Variants in LINGO2 observed in about 807,000 individuals in gnomAD.
LINGO2 encodes leucine-rich repeat and immunoglobulin-like domain-containing nogo receptor-interacting protein 2.
A neutral mutation model predicts 30.6 loss-of-function variants in LINGO2; 14 were observed. The observed-to-expected ratio is 0.46, with a 90% CI of 0.30 to 0.72. The LOEUF is 0.72. LINGO2 is among the 30% of genes least tolerant of loss of function. The pLI is 0.07. For missense variants in LINGO2, 729 were observed against 751.7 expected (o/e 0.97, Z 0.35); for synonymous variants, 317 against 288.5 (o/e 1.10, Z -1.00).
chr9:28,033,406 C>A (rs954376434), intron 4 of LINGO2, among the ~76,000 whole-genome samples: 2 of 152,138 alleles, frequency 1.3e-5, no homozygotes, highest in Admixed American at 6.5e-5. Flanking sequence ...ATCAAAGGTT[C>A]TTGCCCACTT....
chr9:28,226,697 A>AGAAAG (rs1554690224), intron 4 of LINGO2, among the ~76,000 whole-genome samples: 15 of 60,560 alleles, frequency 2.5e-4, no homozygotes, highest in Admixed American at 2.1e-3. Context: ...GAAAGAAAGA[A>AGAAAG]AGAAAGAGAA....
intron 4 of LINGO2, among the ~76,000 whole-genome samples, chr9:28,138,553 G>T (rs75472829): frequency 0.038 from 5,723 of 152,126 alleles, 177 homozygotes; most frequent in Admixed American, 0.083. Context: ...TTCCTTCATT[G>T]CCTCCAGTCT....
chr9:27,983,486 C>CA (rs1416835954), intron 5 of LINGO2, among the ~76,000 whole-genome samples: 1 of 151,832 alleles, frequency 6.6e-6, no homozygotes, highest in African/African-American at 2.4e-5. Context: ...TACCATGTAC[C>CA]AGGACCCTGT....
chr9:28,769,137 C>T, the LINGO2 span, among the ~76,000 whole-genome samples: 16 of 151,582 alleles, frequency 1.1e-4, no homozygotes, highest in Non-Finnish European at 1.9e-4. Flanking sequence ...TAAGGGTATT[C>T]TATATCTGCA....
rs58629857 is a variant in LINGO2, at chr9:28,526,055, CAAAAAAAAAA to C, written c.-364-50040_-364-50031del. 4.8e-3 allele frequency among the ~76,000 whole-genome samples: 234 copies of C among 48,522 alleles called. 9 individuals are homozygous for C. Among genetic ancestry groups the C allele is most frequent in the African/African-American group, 0.019 (228 of 12,254 alleles). The allele number at this position is 48,522 out of a possible 152,430, so 31.8% of individuals were successfully genotyped here. On this transcript the variant is annotated intron_variant, in intron 1 of 5. Coordinates refer to ENST00000379992, the Ensembl canonical transcript of LINGO2. ...TGGGTGACAGAGCGAGACTCCGTCT[CAAAAAAAAAA>C]AAAAAAAAAAAGCCATTGAGTTACC... is the stretch of plus-strand genomic sequence containing the variant.
chr9:28,232,752 C>A (rs1821403424), intron 4 of LINGO2, among the ~76,000 whole-genome samples: 1 of 151,636 alleles, frequency 6.6e-6, no homozygotes, highest in East Asian at 2.0e-4. Context: ...CTTGGACCAC[C>A]ATTTCCCTAC....
intron 2 of LINGO2, among the ~76,000 whole-genome samples, chr9:28,422,881 G>A (rs186406401): frequency 2.2e-4 from 34 of 152,148 alleles, no homozygotes; most frequent in Admixed American, 7.2e-4. Context: ...CTATAACGTG[G>A]ATAAACTTTG....
chr9:29,001,067 A>C, the LINGO2 span, among the ~76,000 whole-genome samples: 1 of 148,646 alleles, frequency 6.7e-6, no homozygotes, highest in Non-Finnish European at 1.5e-5. Flanking sequence ...TTGTTCAGTA[A>C]AGATTTTGAT....
chr9:28,141,666 C>T (rs1168181647), intron 4 of LINGO2, among the ~76,000 whole-genome samples: 1 of 152,098 alleles, frequency 6.6e-6, no homozygotes, highest in Non-Finnish European at 1.5e-5. Flanking sequence ...CATGTAATCC[C>T]AGCACTTTGG....
chr9:28,253,715 G>T, intron 4 of LINGO2, among the ~76,000 whole-genome samples: 1 of 152,110 alleles, frequency 6.6e-6, no homozygotes, highest in East Asian at 1.9e-4. Context: ...CTTAACCTGC[G>T]GCCTGGGGCA....
Position 28,514,580 on chromosome 9 carries a change from C to G in LINGO2, c.-364-38555G>C, listed in dbSNP as rs1426960456. 2.0e-5 allele frequency among the ~76,000 whole-genome samples: 3 copies of G among 152,152 alleles called. No homozygotes were observed. In the East Asian group the frequency reaches 5.8e-4, roughly 29 times the overall value. ...CCTAATCTAGAGCAAGGCCCTAACT[C>G]TCTTCTATTATATCAAGGATGAAAG... On this transcript the variant is annotated intron_variant, in intron 1 of 5. Transcript: ENST00000379992.
the LINGO2 span, among the ~76,000 whole-genome samples, chr9:28,867,942 A>T: frequency 6.6e-6 from 1 of 152,192 alleles, no homozygotes; most frequent in Non-Finnish European, 1.5e-5. Flanking sequence ...CTTTTACCCA[A>T]AAATAATAAA....
At chr9:28,739,467 T>TA in the LINGO2 span, among the ~76,000 whole-genome samples, 1 of 151,878 alleles carries the variant, frequency 6.6e-6, no homozygotes, top group African/African-American at 2.4e-5. Context: ...AGTAAATACA[T>TA]AAAAGTGTAA....
chr9:28,247,022 A>G (rs1472232653), intron 4 of LINGO2, among the ~76,000 whole-genome samples: 4 of 152,362 alleles, frequency 2.6e-5, no homozygotes, highest in Non-Finnish European at 5.9e-5. Flanking sequence ...ACTGATCATT[A>G]GAGAAATGCA....
At chr9:28,671,621 G>A (rs1189524816), upstream of LINGO2, among the ~76,000 whole-genome samples, 1 of 151,726 alleles carries the variant, frequency 6.6e-6, no homozygotes, top group East Asian at 1.9e-4. Flanking sequence ...GAAAGAAACT[G>A]GGGTCTATTT....
the LINGO2 span, among the ~76,000 whole-genome samples, chr9:28,716,581 G>C: frequency 2.0e-5 from 3 of 152,042 alleles, no homozygotes; most frequent in African/African-American, 7.2e-5. Context: ...AAGAAAAACA[G>C]ATTGTGCAGT....
At chr9:28,718,595 C>G in the LINGO2 span, among the ~76,000 whole-genome samples, 1 of 151,950 alleles carries the variant, frequency 6.6e-6, no homozygotes, top group Non-Finnish European at 1.5e-5. Flanking sequence ...TCTTAAAATT[C>G]TCTCATCCAG....
At chr9:27,969,654 G>A (rs1045349115) in intron 5 of LINGO2, among the ~76,000 whole-genome samples, 2 of 152,040 alleles carry the variant, frequency 1.3e-5, no homozygotes, top group Admixed American at 6.6e-5. Flanking sequence ...ATAGAAAGGG[G>A]ATTCAAACTC....
intron 2 of LINGO2, among the ~76,000 whole-genome samples, chr9:28,429,365 A>G (rs754897990): frequency 3.3e-5 from 5 of 152,160 alleles, no homozygotes; most frequent in Admixed American, 6.5e-5. Flanking sequence ...TTTCTTCCCT[A>G]TATGGTATAA....
Sources: allele counts gnomAD v4.1 joint callset (sites outside exome capture counted in the v4.1 genomes callset), GRCh38; gene constraint gnomAD v4.1.1; transcripts MANE v1.5; gene names NCBI Gene and HGNC (gene_info 2026-07-23, HGNC 2026-07-21).